FIGNL2: variants seen among roughly 807,000 people sequenced by gnomAD.
FIGNL2 encodes fidgetin-like protein 2.
For synonymous variants in FIGNL2, 565 were observed against 484.0 expected (o/e 1.17, Z -2.20); for missense variants, 1,060 against 950.2 (o/e 1.12, Z -1.52).
chr12:51,840,532 T>C (rs1939643095), intron 1 of FIGNL2, among the ~76,000 whole-genome samples: 1 of 152,082 alleles, frequency 6.6e-6, no homozygotes, highest in South Asian at 2.1e-4. Flanking sequence ...GGTCGGGAGT[T>C]CAAGACCACC....
At chr12:51,836,911 C>G (rs1401768101) in intron 1 of FIGNL2, among the ~76,000 whole-genome samples, 3 of 152,124 alleles carry the variant, frequency 2.0e-5, no homozygotes, top group Non-Finnish European at 4.4e-5. Context: ...GGTGGGTGCG[C>G]AGACACACAC....
At chr12:51,845,970 A>T (rs303783) in intron 1 of FIGNL2, among the ~76,000 whole-genome samples, 1 of 151,796 alleles carries the variant, frequency 6.6e-6, no homozygotes, top group Non-Finnish European at 1.5e-5. Context: ...AGAAGGAGGC[A>T]AATAAGGGAA....
rs372655228 is a variant in FIGNL2 at position 51,838,780 on chromosome 12, G to T, written c.-12+9760C>A. Among the ~76,000 whole-genome samples the T allele has an allele frequency of 3.3e-5, 5 of 152,044 alleles. No homozygotes were observed. In the East Asian group the frequency reaches 7.7e-4, roughly 23 times the overall value. ...CAGTGGCCTGGGAAAGAGGTGGGGG[G>T]GCTGCTCTCCAGGCCCAGAAGGACC... is the stretch of plus-strand genomic sequence containing the variant. On this transcript the variant is annotated intron_variant, in intron 1 of 1. Coordinates refer to ENST00000618634, the MANE Select transcript of FIGNL2 (RefSeq NM_001384995.1).
chr12:51,821,977 C>G lies in FIGNL2; in HGVS notation c.437G>C (p.Gly146Ala). 1.3e-6 allele frequency: 2 copies of G among 1,564,892 alleles called. No homozygotes were observed. The highest frequency in any genetic ancestry group is 1.2e-5 in the South Asian group (1 of 85,344). ...AGNLPEPLYA[G>A]NACGGPSAAP... The stretch of plus-strand genomic sequence containing the variant: ...CGCCGATGGGCCCCCGCACGCATTG[C>G]CGGCGTAGAGGGGTTCAGGGAGGTT... Residue 146 changes from glycine (G) to alanine (A), a missense_variant, in exon 2 of 2, where the codon GGC becomes GCC. Gly to Ala is a moderately conservative substitution (Grantham distance 60, BLOSUM62 0). Transcript: ENST00000618634.
At chr12:51,826,626 C>T (rs1442801686) in intron 1 of FIGNL2, among the ~76,000 whole-genome samples, 2 of 90,032 alleles carry the variant, frequency 2.2e-5, no homozygotes, top group Admixed American at 1.5e-4. Flanking sequence ...GCGATAAGAG[C>T]GAAACTCCCA....
chr12:51,833,241 TG>T (rs1223277956), intron 1 of FIGNL2, among the ~76,000 whole-genome samples: 4 of 152,022 alleles, frequency 2.6e-5, no homozygotes, highest in Non-Finnish European at 5.9e-5. Flanking sequence ...TTTGTAGAGA[TG>T]GGGGTCTCAC....
chr12:51,830,719 C>A (rs1399384392), intron 1 of FIGNL2, among the ~76,000 whole-genome samples: 1 of 151,984 alleles, frequency 6.6e-6, no homozygotes, highest in Non-Finnish European at 1.5e-5. Context: ...TCTCAAACTC[C>A]TGACCTCATG....
chr12:51,843,382 CAAAA>C (rs61653181), intron 1 of FIGNL2, among the ~76,000 whole-genome samples: 2 of 145,110 alleles, frequency 1.4e-5, no homozygotes, highest in Non-Finnish European at 1.5e-5. Flanking sequence ...ACTAAAAATA[CAAAA>C]AAAAAAAAAA....
chr12:51,840,122 C>G lies in FIGNL2; in HGVS notation c.-12+8418G>C, dbSNP rs1939636959. On this transcript the variant is annotated intron_variant, in intron 1 of 1. Coordinates refer to ENST00000618634, the MANE Select transcript of FIGNL2 (RefSeq NM_001384995.1). Reference sequence around the variant, plus strand: ...TCTAGCACACAACGCAGCCTCACACCTGTGCACTCAGTGATGGGCACTGCG... The same window carrying G: ...TCTAGCACACAACGCAGCCTCACACGTGTGCACTCAGTGATGGGCACTGCG... 2.6e-5 allele frequency among the ~76,000 whole-genome samples: 4 copies of G among 152,372 alleles called. 1 individual carries two copies. In the South Asian group the frequency reaches 8.3e-4, roughly 32 times the overall value.
intron 1 of FIGNL2, among the ~76,000 whole-genome samples, chr12:51,842,976 C>T (rs952869121): frequency 6.6e-6 from 1 of 152,258 alleles, no homozygotes; most frequent in Admixed American, 6.5e-5. Flanking sequence ...CAAGGCCTCA[C>T]AGCCATGATA....
Position 51,847,768 on chromosome 12 carries a change from G to A in FIGNL2, c.-12+772C>T. On this transcript the variant is annotated intron_variant, in intron 1 of 1. Transcript: ENST00000618634. ...TGCGAAGGACCCTCTGCAGCGGCGG[G>A]GGGGTTGCTAGCATGCGAATCTCTG... is the stretch of plus-strand genomic sequence containing the variant. The A allele has an allele frequency of 6.1e-6, 6 of 985,404 alleles. No homozygotes were observed. In the South Asian group the frequency reaches 1.9e-4, roughly 31 times the overall value. 61.0% of individuals were successfully genotyped at this position (985,404 alleles called of 1,614,324 possible). A position where few individuals can be genotyped will look rare whatever the true frequency, so the allele number is the denominator to read the frequency against.
At chr12:51,839,314 C>T (rs1476030606) in intron 1 of FIGNL2, among the ~76,000 whole-genome samples, 1 of 152,168 alleles carries the variant, frequency 6.6e-6, no homozygotes, top group Non-Finnish European at 1.5e-5. Flanking sequence ...CTCCCGATTC[C>T]ATCTCTTCAG....
rs547061200 is a variant in FIGNL2 at position 51,836,181 on chromosome 12, G to A, written c.-12+12359C>T. On this transcript the variant is annotated intron_variant, in intron 1 of 1. Coordinates refer to ENST00000618634, the MANE Select transcript of FIGNL2 (RefSeq NM_001384995.1). ...ACTGGAGCTTTCCCTAGAACCAGGG[G>A]AGGGAGGATGGGCTAGCTGAGTCAA... Among the ~76,000 whole-genome samples, 659 of 152,266 alleles carry A rather than the reference G, an allele frequency of 4.3e-3. 1 individual carries two copies. The highest frequency in any genetic ancestry group is 7.7e-3 in the Non-Finnish European group (525 of 68,014).
intron 1 of FIGNL2, among the ~76,000 whole-genome samples, chr12:51,837,129 T>G (rs1003984470): frequency 6.6e-6 from 1 of 151,960 alleles, no homozygotes; most frequent in Non-Finnish European, 1.5e-5. Flanking sequence ...CGTCTGCCTC[T>G]CAGGGGGAAG....
At position 51,821,578 on chromosome 12, in the gene FIGNL2, C is replaced by T; in HGVS notation, c.836G>A (p.Arg279His). 2 of 1,525,924 alleles carry T rather than the reference C, an allele frequency of 1.3e-6. No individual in the cohort carries two copies. The highest frequency in any genetic ancestry group is 1.7e-6 in the Non-Finnish European group (2 of 1,143,884). 94.5% of individuals were successfully genotyped at this position (1,525,924 alleles called of 1,614,324 possible). The change falls in exon 2 of 2, where the codon CGC (arginine) becomes CAC (histidine). Residue 279 changes from arginine to histidine, a missense_variant. Arg to His is a conservative substitution (Grantham distance 29). Coordinates refer to ENST00000618634, the MANE Select transcript of FIGNL2 (RefSeq NM_001384995.1). Reference protein sequence around the residue: ...AADEGPEGRYRKYAYEPAKAP... With the variant: ...AADEGPEGRYHKYAYEPAKAP... ...CTTGGCGGGCTCGTACGCGTACTTGCGGTAGCGGCCCTCGGGCCCCTCGTC... is the reference window on the plus strand; with the variant it reads ...CTTGGCGGGCTCGTACGCGTACTTGTGGTAGCGGCCCTCGGGCCCCTCGTC...
Position 51,822,560 on chromosome 12 carries a change from C to T in FIGNL2, c.-11-136G>A. 3 of 907,008 alleles carry T rather than the reference C, an allele frequency of 3.3e-6. No individual in the cohort carries two copies. In the South Asian group the frequency reaches 4.4e-5, roughly 13 times the overall value. The allele number at this position is 907,008 out of a possible 1,614,324, so 56.2% of individuals were successfully genotyped here. On this transcript the variant is annotated intron_variant, in intron 1 of 1. Transcript: ENST00000618634. ...CCGGCATCCACCACCTACCGCCCCA[C>T]TCTCTTGGGGCCCTCCCTCCAGGCA... is the stretch of plus-strand genomic sequence containing the variant.
Position 51,820,412 on chromosome 12 carries a change from A to G in FIGNL2, c.*40T>C. The stretch of plus-strand genomic sequence containing the variant: ...TCCCTCCCACGCGGAGGCGGCGGGG[A>G]CGGAGGGACTGCGGCTCCCGCGGCC... On this transcript the variant is annotated 3_prime_UTR_variant, in exon 2 of 2. Transcript: ENST00000618634. 6.4e-7 allele frequency: 1 copy of G among 1,557,726 alleles called. No homozygotes were observed. The highest frequency in any genetic ancestry group is 1.2e-5 in the South Asian group (1 of 85,530).
At chr12:51,830,746 C>T (rs1186987586) in intron 1 of FIGNL2, among the ~76,000 whole-genome samples, 1 of 151,944 alleles carries the variant, frequency 6.6e-6, no homozygotes, top group Non-Finnish European at 1.5e-5. Flanking sequence ...CCGCCTTGGC[C>T]TCCTAAAGTG....
intron 1 of FIGNL2, among the ~76,000 whole-genome samples, chr12:51,826,362 C>G (rs1377361547): frequency 6.6e-6 from 1 of 152,052 alleles, no homozygotes; most frequent in Non-Finnish European, 1.5e-5. Flanking sequence ...GGCACAGTGG[C>G]TCACGCCTGT....
Sources: allele counts gnomAD v4.1 joint callset (sites outside exome capture counted in the v4.1 genomes callset), GRCh38; gene constraint gnomAD v4.1.1; transcripts MANE v1.5; gene names NCBI Gene and HGNC (gene_info 2026-07-23, HGNC 2026-07-21).